Variants in SEC24B observed in about 807,000 individuals in gnomAD.
SEC24B encodes SEC24 homolog B, COPII component.
In SEC24B, 45 loss-of-function variants were observed where a neutral mutation model predicts 142.8. The ratio of observed to expected loss-of-function variants is 0.32; its 90% CI spans 0.25 to 0.40. The LOEUF is 0.40. Among genes scored for constraint, SEC24B ranks in the 10% least tolerant of loss-of-function variants. SEC24B has a pLI of 1.00. For missense variants in SEC24B, 1,409 were observed against 1,526.8 expected, an observed-to-expected ratio of 0.92 and a Z score of 1.29; for synonymous variants, 574 against 568.2, an observed-to-expected ratio of 1.01 and a Z score of -0.15.
In SEC24B at chr4:109,526,320, G is replaced by A; in HGVS notation, c.2886G>A (p.Val962=). 6.2e-7 allele frequency: 1 copy of A among 1,614,000 alleles called. No homozygotes were observed. The highest frequency in any genetic ancestry group is 8.5e-7 in the Non-Finnish European group (1 of 1,179,934). ...TCAATCCTGATGCTGGATTTGCGGTGCAGTTGTCAATTGAAGAAAGTTTAA... is the reference window on the plus strand; with the variant it reads ...TCAATCCTGATGCTGGATTTGCGGTACAGTTGTCAATTGAAGAAAGTTTAA... ...ANINPDAGFA[V]QLSIEESLTD... Residue 962 remains valine (V), a synonymous_variant, in exon 17 of 24, where the codon GTG becomes GTA. Transcript: ENST00000265175.
intron 20 of SEC24B, among the ~76,000 whole-genome samples, chr4:109,531,821 A>G (rs765368759): frequency 5.9e-5 from 9 of 152,090 alleles, no homozygotes; most frequent in Admixed American, 1.3e-4. Flanking sequence ...ATTTCCATTT[A>G]TATTTTGTAG....
At chr4:109,473,865 A>G (rs1732791232) in intron 3 of SEC24B, among the ~76,000 whole-genome samples, 2 of 152,180 alleles carry the variant, frequency 1.3e-5, no homozygotes, top group Admixed American at 1.3e-4. Flanking sequence ...TTATTTGATC[A>G]GAGATGATTG....
chr4:109,486,193 C>A (rs1255430268), intron 4 of SEC24B, among the ~76,000 whole-genome samples: 1 of 152,160 alleles, frequency 6.6e-6, no homozygotes, highest in African/African-American at 2.4e-5. Flanking sequence ...ATTATGAAAT[C>A]TGTTGTTACT....
chr4:109,445,423 T>G (rs1729360614), intron 1 of SEC24B, among the ~76,000 whole-genome samples: 2 of 148,946 alleles, frequency 1.3e-5, no homozygotes, highest in Admixed American at 1.3e-4. Flanking sequence ...TTTTTTTTTT[T>G]TTTTTGGATT....
At chr4:109,456,897 C>G (rs575662388) in intron 1 of SEC24B, among the ~76,000 whole-genome samples, 28 of 152,154 alleles carry the variant, frequency 1.8e-4, no homozygotes, top group Non-Finnish European at 3.5e-4. Context: ...CTTTATGTTT[C>G]ACAGAGACCA....
chr4:109,494,083 T>C (rs1735288371), intron 5 of SEC24B, among the ~76,000 whole-genome samples: 1 of 152,196 alleles, frequency 6.6e-6, no homozygotes, highest in African/African-American at 2.4e-5. Flanking sequence ...TTGTGGTGCT[T>C]AGTCTCTGCT....
intron 17 of SEC24B, among the ~76,000 whole-genome samples, chr4:109,526,752 A>G (rs1578989357): frequency 6.6e-6 from 1 of 152,256 alleles, no homozygotes; most frequent in South Asian, 2.1e-4. Flanking sequence ...GTTTTCTGGT[A>G]TTTTACTCTA....
intron 1 of SEC24B, among the ~76,000 whole-genome samples, chr4:109,439,060 G>A (rs920960190): frequency 3.3e-5 from 5 of 152,110 alleles, no homozygotes; most frequent in African/African-American, 9.7e-5. Flanking sequence ...TTACTTTTAG[G>A]AAGCAAATGG....
intron 18 of SEC24B, among the ~76,000 whole-genome samples, chr4:109,528,055 A>T (rs1347604883): frequency 6.6e-6 from 1 of 152,150 alleles, no homozygotes; most frequent in Non-Finnish European, 1.5e-5. Flanking sequence ...TTAAACAAAC[A>T]TGGATGCCTC....
At chr4:109,465,817 G>T (rs936897536) in intron 2 of SEC24B, among the ~76,000 whole-genome samples, 1 of 152,170 alleles carries the variant, frequency 6.6e-6, no homozygotes, top group Non-Finnish European at 1.5e-5. Context: ...ACTATTCTCT[G>T]TTTGAGTAAC....
intron 9 of SEC24B, 52 bp downstream of exon 9, chr4:109,512,135 TTTGAGA>T: frequency 6.6e-7 from 1 of 1,513,306 alleles, no homozygotes; most frequent in African/African-American, 1.4e-5. Flanking sequence ...GGTTTTTTTT[TTTGAGA>T]TTTTTGTCAT....
At chr4:109,447,702 G>A (rs1005281878) in intron 1 of SEC24B, among the ~76,000 whole-genome samples, 1 of 152,188 alleles carries the variant, frequency 6.6e-6, no homozygotes, top group Non-Finnish European at 1.5e-5. Context: ...AAGAGGTGGT[G>A]AGTGATAAAG....
intron 2 of SEC24B, among the ~76,000 whole-genome samples, chr4:109,466,718 T>C (rs527887340): frequency 6.6e-5 from 10 of 152,308 alleles, no homozygotes; most frequent in African/African-American, 2.4e-4. Context: ...CCAATAGTTT[T>C]GTGTTAAATT....
intron 1 of SEC24B, among the ~76,000 whole-genome samples, chr4:109,444,987 G>A (rs1416507615): frequency 6.6e-6 from 1 of 152,008 alleles, no homozygotes; most frequent in Non-Finnish European, 1.5e-5. Context: ...AAGCTGGAGC[G>A]ATCACTGCTC....
chr4:109,489,711 GTTTGA>G (rs1389281210), intron 4 of SEC24B, among the ~76,000 whole-genome samples: 24 of 146,968 alleles, frequency 1.6e-4, no homozygotes, highest in African/African-American at 6.1e-4. Flanking sequence ...GGTCTTTTTT[GTTTGA>G]TTTATTTCAC....
chr4:109,447,650 A>G lies in SEC24B; in HGVS notation c.133+13648A>G, dbSNP rs574070367. 7.3e-5 allele frequency among the ~76,000 whole-genome samples: 9 copies of G among 123,344 alleles called. No individual in the cohort carries two copies. In the South Asian group the frequency reaches 1.9e-3, roughly 26 times the overall value. 80.9% of individuals were successfully genotyped at this position (123,344 alleles called of 152,430 possible). ...CAGAGGCATGTGGAAGACTACTAGTATACTAGTATATTAAGGCATACCTCT... is the reference window on the plus strand; with the variant it reads ...CAGAGGCATGTGGAAGACTACTAGTGTACTAGTATATTAAGGCATACCTCT... On this transcript the variant is annotated intron_variant, in intron 1 of 23. Transcript: ENST00000265175.
intron 1 of SEC24B, among the ~76,000 whole-genome samples, chr4:109,447,538 C>T (rs1032573568): frequency 3.9e-5 from 6 of 152,118 alleles, no homozygotes; most frequent in Non-Finnish European, 8.8e-5. Flanking sequence ...TTTTTTCCCA[C>T]CAGCTCAGCA....
In SEC24B at chr4:109,532,752, C is replaced by T. The variant is rs34727629; in HGVS notation, c.3495+9C>T. On this transcript the variant is annotated intron_variant, in intron 21 of 23. Transcript: ENST00000265175. ...TTATGGACTGTGGCTCTGTAAGCAC[C>T]CTTTACTGGCAAAGCTTAACACTGT... 5.3e-6 allele frequency: 7 copies of T among 1,330,454 alleles called. No individual in the cohort carries two copies. The African/African-American group carries it at 8.7e-5, about 16-fold the overall frequency. 82.4% of individuals were successfully genotyped at this position (1,330,454 alleles called of 1,614,324 possible). A position where few individuals can be genotyped will look rare whatever the true frequency, so the allele number is the denominator to read the frequency against.
chr4:109,530,222 T>C, intron 18 of SEC24B, 67 bp from the exon 19 acceptor site: 1 of 1,364,834 alleles, frequency 7.3e-7, no homozygotes, highest in South Asian at 1.8e-5. Context: ...TGCGTATAAA[T>C]TTTCTCTCTT....
Sources: gnomAD v4.1 joint callset for allele counts (sites outside exome capture counted in the v4.1 genomes callset) on GRCh38, gnomAD v4.1.1 for gene constraint, MANE v1.5 for transcripts, NCBI Gene and HGNC (gene_info 2026-07-23, HGNC 2026-07-21) for gene names.